Variants in CARNS1 observed in about 807,000 individuals in gnomAD.
CARNS1 encodes the protein carnosine synthase 1.
A neutral mutation model predicts 74.0 loss-of-function variants in CARNS1; 61 were observed. That is an observed-to-expected ratio of 0.82 (90% CI 0.67 to 1.02). CARNS1 has a LOEUF of 1.02. Ranked by LOEUF, CARNS1 falls within the 50% of genes least tolerant of loss-of-function variation. The probability of loss-of-function intolerance (pLI) is 0.00; values close to 1 mark genes in which losing one functional copy is unlikely to be tolerated. For missense variants in CARNS1, 1,278 were observed against 1,308.4 expected, an observed-to-expected ratio of 0.98 and a Z score of 0.36; for synonymous variants, 568 against 605.5, an observed-to-expected ratio of 0.94 and a Z score of 0.91.
chr11:67,418,630 C>A, intron 4 of CARNS1, 110 bp downstream of exon 4: 1 of 1,433,160 alleles, frequency 7.0e-7, no homozygotes, highest in Admixed American at 2.4e-5. Flanking sequence ...CTGCATTCCA[C>A]CGGAGCAGCT....
At position 67,423,501 on chromosome 11, in the gene CARNS1, G is replaced by C; in HGVS notation, c.1753G>C (p.Ala585Pro). Residue 585 changes from alanine to proline, a missense_variant, in exon 10 of 10, where the codon GCT (alanine) becomes CCT (proline). By Grantham distance (27) the Ala-to-Pro change is conservative. Coordinates refer to ENST00000687366, the MANE Select transcript of CARNS1 (RefSeq NM_001166222.2). The surrounding 1 kb of genome is among the most constrained non-coding windows in gnomAD (Gnocchi z 5.1). The stretch of plus-strand genomic sequence containing the variant: ...ACGGCTGCTGGCAGAGTTGGTGCGG[G>C]CTCGCGGCCTCAAGCTAGATGGCTG... ...NARLLAELVR[A>P]RGLKLDGCFS... The C allele has an allele frequency of 6.2e-7, 1 of 1,613,966 alleles. No homozygotes were observed. The highest frequency in any genetic ancestry group is 8.5e-7 in the Non-Finnish European group (1 of 1,179,874).
intron 9 of CARNS1, 103 bp downstream of exon 9, chr11:67,421,322 G>A: frequency 1.6e-6 from 2 of 1,244,294 alleles, no homozygotes; most frequent in Non-Finnish European, 2.1e-6. Context: ...CTTGGGGCGG[G>A]ACCAGCCGCG....
rs973693426 is a variant in CARNS1 at position 67,421,121 on chromosome 11, G to C, written c.1528G>C (p.Ala510Pro). The change falls in exon 9 of 10, where the codon GCG becomes CCG. Residue 510 changes from alanine (A) to proline (P), a missense_variant. This residue lies in a region of CARNS1 where 1,164 missense variants were observed against 1,156.5 expected (regional missense o/e 1.01). Transcript: ENST00000687366. ...GGTGGAGACCATGCTTCGGCGGTCG[G>C]CGCGCTGCCTCATGGAGGGAAAACA... is the stretch of plus-strand genomic sequence containing the variant. ...PLVETMLRRS[A>P]RCLMEGKQLL... is the part of the protein sequence containing the mutation. The C allele has an allele frequency of 1.1e-5, 16 of 1,466,904 alleles. No homozygotes were observed. The highest frequency in any genetic ancestry group is 1.4e-5 in the Non-Finnish European group (16 of 1,116,654). The allele number at this position is 1,466,904 out of a possible 1,614,324, so 90.9% of individuals were successfully genotyped here.
intron 9 of CARNS1, among the ~76,000 whole-genome samples, chr11:67,421,432 G>C (rs1455130659): frequency 6.6e-6 from 1 of 152,218 alleles, no homozygotes; most frequent in Admixed American, 6.5e-5. Flanking sequence ...GACTCCGCTA[G>C]TTCTGGAGTG....
chr11:67,422,049 C>T (rs1273935459), intron 9 of CARNS1, among the ~76,000 whole-genome samples: 7 of 151,718 alleles, frequency 4.6e-5, no homozygotes, highest in Non-Finnish European at 8.8e-5. Context: ...GCCTGGCTAA[C>T]TTTTAGTAGA....
intron 2 of CARNS1, chr11:67,417,179 GC>G: frequency 8.2e-7 from 1 of 1,221,428 alleles, no homozygotes; most frequent in South Asian, 4.3e-5. Flanking sequence ...ATTGCTTCCT[GC>G]CCTCCCCCCA....
In CARNS1 at chr11:67,421,232, CGGGGCGG is replaced by C; in HGVS notation, c.1626+16_1626+22del. Reference sequence around the variant, plus strand: ...CTACGGGCTCCAGGTGGGCGGGGCGCGGGGCGGGGCTGGGCCCCAGGTCCTGGCCCGA... The same window carrying C: ...CTACGGGCTCCAGGTGGGCGGGGCGCGGCTGGGCCCCAGGTCCTGGCCCGA... On this transcript the variant is annotated intron_variant, in intron 9 of 9. Transcript: ENST00000687366. 7.4e-7 allele frequency: 1 copy of C among 1,360,488 alleles called. No individual in the cohort carries two copies. The allele number at this position is 1,360,488 out of a possible 1,614,324, so 84.3% of individuals were successfully genotyped here. A position where few individuals can be genotyped will look rare whatever the true frequency, so the allele number is the denominator to read the frequency against.
intron 4 of CARNS1, 42 bp from the exon 5 acceptor site, chr11:67,418,714 T>TGCC (rs772591037): frequency 1.1e-5 from 16 of 1,520,310 alleles, no homozygotes; most frequent in Non-Finnish European, 1.3e-5. Flanking sequence ...GCATAGGGCA[T>TGCC]CAAGCCTTCC....
rs192099699 is a variant in CARNS1 at position 67,421,274 on chromosome 11, G to A, written c.1626+55G>A. 4,193 of 1,389,856 alleles carry A rather than the reference G, an allele frequency of 3.0e-3. 14 individuals are homozygous for A. The highest frequency in any genetic ancestry group is 3.7e-3 in the Non-Finnish European group (3,975 of 1,079,998). The allele number at this position is 1,389,856 out of a possible 1,614,324, so 86.1% of individuals were successfully genotyped here. On this transcript the variant is annotated intron_variant, in intron 9 of 9. Transcript: ENST00000687366. ...CCAGGTCCTGGCCCGAGTGGTGGAGGCGGGACCCCGGGGCGGGGCCTGGAG... is the reference window on the plus strand; with the variant it reads ...CCAGGTCCTGGCCCGAGTGGTGGAGACGGGACCCCGGGGCGGGGCCTGGAG...
intron 7 of CARNS1, 45 bp from the exon 8 acceptor site, chr11:67,420,564 G>A: frequency 8.6e-7 from 1 of 1,167,096 alleles, no homozygotes; most frequent in Non-Finnish European, 1.1e-6. Context: ...TGTGCGTGGG[G>A]GGCAGGGAGT....
chr11:67,418,471 C>T lies in CARNS1; in HGVS notation c.315C>T (p.Ser105=). 1 of 1,490,224 alleles carries T rather than the reference C, an allele frequency of 6.7e-7. No homozygotes were observed. Among genetic ancestry groups the T allele is most frequent in the Non-Finnish European group, 8.9e-7 (1 of 1,124,038 alleles). The allele number at this position is 1,490,224 out of a possible 1,614,324, so 92.3% of individuals were successfully genotyped here. A position where few individuals can be genotyped will look rare whatever the true frequency, so the allele number is the denominator to read the frequency against. ...AGGTGACCTTGTGCGTTCTGGGCTC[C>T]CCCAGCACCTTTCTGCCTGTGCTGC... is the stretch of plus-strand genomic sequence containing the variant. ...GAEVTLCVLG[S]PSTFLPVLLE... is the part of the protein sequence containing the mutation. Residue 105 remains serine, a synonymous_variant, in exon 4 of 10, where the codon TCC becomes TCT. Transcript: ENST00000687366.
chr11:67,420,647 G>GCACCACAACTCCCTGC lies in CARNS1; in HGVS notation c.1154_1169dup (p.Arg391ProfsTer180). 8.0e-7 allele frequency: 1 copy of GCACCACAACTCCCTGC among 1,247,720 alleles called. No homozygotes were observed. Among genetic ancestry groups the GCACCACAACTCCCTGC allele is most frequent in the East Asian group, 3.1e-5 (1 of 31,922 alleles). 77.3% of individuals were successfully genotyped at this position (1,247,720 alleles called of 1,614,324 possible). On this transcript the variant is annotated frameshift_variant, in exon 8 of 10. Transcript: ENST00000687366. LOFTEE classifies it high-confidence loss of function. ...TGGGCCGCGGGGACCGCCCTCTACG[G>GCACCACAACTCCCTGC]CACCACAACTCCCTGCCGAGGACGC... is the stretch of plus-strand genomic sequence containing the variant.
chr11:67,421,192 G>T lies in CARNS1; in HGVS notation c.1599G>T (p.Trp533Cys). Residue 533 changes from tryptophan to cysteine, a missense_variant, in exon 9 of 10, where the codon TGG (tryptophan) becomes TGT (cysteine). Around this residue, in one of 3 missense-constraint regions of CARNS1, gnomAD observed 1,164 missense variants for 1,156.5 expected, o/e 1.01. Transcript: ENST00000687366. ...GAGGVSKKFV[W>C]EAARDYGLQL... ...GCGGCGTCAGCAAGAAGTTCGTGTGGGAGGCGGCGCGCGACTACGGGCTCC... is the reference window on the plus strand; with the variant it reads ...GCGGCGTCAGCAAGAAGTTCGTGTGTGAGGCGGCGCGCGACTACGGGCTCC... 6.7e-7 allele frequency: 1 copy of T among 1,494,336 alleles called. No homozygotes were observed. The highest frequency in any genetic ancestry group is 8.9e-7 in the Non-Finnish European group (1 of 1,128,052). 92.6% of individuals were successfully genotyped at this position (1,494,336 alleles called of 1,614,324 possible). A position where few individuals can be genotyped will look rare whatever the true frequency, so the allele number is the denominator to read the frequency against.
At chr11:67,421,247 C>T in intron 9 of CARNS1, 28 bp downstream of exon 9, 2 of 1,459,442 alleles carry the variant, frequency 1.4e-6, no homozygotes, top group East Asian at 5.9e-5. Context: ...CGGGGCTGGG[C>T]CCCAGGTCCT....
intron 4 of CARNS1, 23 bp from the exon 5 acceptor site, chr11:67,418,733 C>A: frequency 6.5e-7 from 1 of 1,549,154 alleles, no homozygotes; most frequent in Non-Finnish European, 8.7e-7. Flanking sequence ...CCCTGGCCAG[C>A]CACTTGCCTT....
rs1863804148 is a variant in CARNS1, at chr11:67,425,292, G to A, written c.*691G>A. ...CAGTGGAGAGCGGGTCACAGGACAT[G>A]ATGCAGGGTCCAGGTTTCTGTTTTG... is the stretch of plus-strand genomic sequence containing the variant. On this transcript the variant is annotated 3_prime_UTR_variant, in exon 10 of 10. Coordinates refer to ENST00000687366, the MANE Select transcript of CARNS1 (RefSeq NM_001166222.2). The A allele has an allele frequency of 2.9e-6, 1 of 349,464 alleles. No homozygotes were observed. The highest frequency in any genetic ancestry group is 3.8e-5 in the Admixed American group (1 of 26,504). 21.6% of individuals were successfully genotyped at this position (349,464 alleles called of 1,614,324 possible). A position where few individuals can be genotyped will look rare whatever the true frequency, so the allele number is the denominator to read the frequency against.
chr11:67,423,432 A>G lies in CARNS1; in HGVS notation c.1684A>G (p.Ile562Val), dbSNP rs370099165. The stretch of plus-strand genomic sequence containing the variant: ...TGCATCCCAGTTGGTACAGACCTTC[A>G]TCCACTTTGACATGACAGAGCACCG... The part of the protein sequence containing the change: ...HFASQLVQTF[I>V]HFDMTEHRRD... Residue 562 changes from isoleucine (I) to valine (V), a missense_variant, in exon 10 of 10, where the codon ATC (isoleucine) becomes GTC (valine). Ile to Val is a conservative substitution (Grantham distance 29). Around this residue, in one of 3 missense-constraint regions of CARNS1, gnomAD observed 1,164 missense variants for 1,156.5 expected, o/e 1.01. Transcript: ENST00000687366. The surrounding 1 kb of genome is among the most constrained non-coding windows in gnomAD (Gnocchi z 5.1). The G allele has an allele frequency of 3.1e-6, 5 of 1,613,886 alleles. No individual in the cohort carries two copies. Among genetic ancestry groups the G allele is most frequent in the Non-Finnish European group, 4.2e-6 (5 of 1,179,790 alleles).
rs1590964344 is a variant in CARNS1 at position 67,424,442 on chromosome 11, G to A, written c.2694G>A (p.Glu898=). 2.5e-6 allele frequency: 4 copies of A among 1,589,310 alleles called. No individual in the cohort carries two copies. Among genetic ancestry groups the A allele is most frequent in the Non-Finnish European group, 2.6e-6 (3 of 1,168,958 alleles). ...RGLLRLNLLE[E]ALVPGEYEEP... ...TGCTACGCCTCAATCTGCTGGAGGA[G>A]GCCCTGGTGCCTGGCGAGTATGAGG... Residue 898 remains glutamate (E), a synonymous_variant, in exon 10 of 10, where the codon GAG becomes GAA. Coordinates refer to ENST00000687366, the MANE Select transcript of CARNS1 (RefSeq NM_001166222.2).
Position 67,420,515 on chromosome 11 carries a change from G to A in CARNS1, c.1114-94G>A, listed in dbSNP as rs538098256. ...GGACGGGGCTTCTTGAATGTCCAGT[G>A]AGGGGTCTGGTCTGAATTTTGGCAC... On this transcript the variant is annotated intron_variant, in intron 7 of 9. Coordinates refer to ENST00000687366, the MANE Select transcript of CARNS1 (RefSeq NM_001166222.2). The A allele has an allele frequency of 8.3e-6, 6 of 725,012 alleles. No homozygotes were observed. The South Asian group carries it at 4.3e-4, about 53-fold the overall frequency. The allele number at this position is 725,012 out of a possible 1,614,324, so 44.9% of individuals were successfully genotyped here.
Sources: gnomAD v4.1 joint callset for allele counts (sites outside exome capture counted in the v4.1 genomes callset) on GRCh38, gnomAD v4.1.1 for gene constraint, gnomAD v4.1.1 regional missense constraint, Gnocchi (gnomAD v3.1) non-coding constraint, MANE v1.5 for transcripts, NCBI Gene and HGNC (gene_info 2026-07-23, HGNC 2026-07-21) for gene names.